Variants in PAPLN observed in about 807,000 individuals in gnomAD.
The protein encoded by PAPLN is papilin.
In PAPLN, 146 loss-of-function variants were observed where a neutral mutation model predicts 159.0. That is an observed-to-expected ratio of 0.92 (90% CI 0.80 to 1.05). The LOEUF is 1.05. Among genes scored for constraint, PAPLN ranks in the 50% least tolerant of loss-of-function variants. The pLI is 0.00. For missense variants in PAPLN, 1,720 were observed against 1,743.9 expected, an observed-to-expected ratio of 0.99 and a Z score of 0.24; for synonymous variants, 734 against 702.9, an observed-to-expected ratio of 1.04 and a Z score of -0.70.
At chr14:73,260,672 A>G (rs924326892) in intron 16 of PAPLN, 37 bp from the exon 17 acceptor site, 20 of 1,411,174 alleles carry the variant, frequency 1.4e-5, no homozygotes, top group South Asian at 1.8e-5. Context: ...GCGTGGGGGC[A>G]GGCTGGGCAG....
In PAPLN at chr14:73,261,323, C is replaced by T. The variant is rs758097704; in HGVS notation, c.2245+29C>T. On this transcript the variant is annotated intron_variant, in intron 18 of 26. Transcript: ENST00000644200. ...AGTGGACACCCCCTCTCCTCCTTCT[C>T]GATGGGTAGACTCTGCTCCCACCAT... 6.2e-5 allele frequency: 99 copies of T among 1,608,102 alleles called. No individual in the cohort carries two copies. In the East Asian group the frequency reaches 1.3e-3, roughly 22 times the overall value.
Position 73,265,364 on chromosome 14 carries a change from T to C in PAPLN, c.3126-6T>C. On this transcript the variant is annotated splice_polypyrimidine_tract_variant and splice_region_variant and intron_variant, in intron 22 of 26. Coordinates refer to ENST00000644200, the MANE Select transcript of PAPLN (RefSeq NM_001365906.3). This position sits in a 1 kb window ranked among gnomAD's most constrained non-coding sequence, Gnocchi z 4.1. ...CCCCTCATGCTGTGGGCTGCTTGTTTGGCAGGCTGCGTTTGGACCAGAACC... is the reference window on the plus strand; with the variant it reads ...CCCCTCATGCTGTGGGCTGCTTGTTCGGCAGGCTGCGTTTGGACCAGAACC... The C allele has an allele frequency of 6.2e-7, 1 of 1,607,988 alleles. No individual in the cohort carries two copies. Among genetic ancestry groups the C allele is most frequent in the Non-Finnish European group, 8.5e-7 (1 of 1,179,630 alleles).
Position 73,262,582 on chromosome 14 carries a change from T to C in PAPLN, c.2478T>C (p.Asp826=). Residue 826 remains aspartate (D), a synonymous_variant, in exon 19 of 27, where the codon GAT becomes GAC. Coordinates refer to ENST00000644200, the MANE Select transcript of PAPLN (RefSeq NM_001365906.3). Reference sequence around the variant, plus strand: ...CTTCTGGAAGGAGCACCCACACGGATGGTGGCGGCAGCAGTCCTGCAGGCG... The same window carrying C: ...CTTCTGGAAGGAGCACCCACACGGACGGTGGCGGCAGCAGTCCTGCAGGCG... ...PGASGRSTHT[D]GGGSSPAGEQ... 6.4e-7 allele frequency: 1 copy of C among 1,563,038 alleles called. No individual in the cohort carries two copies. The highest frequency in any genetic ancestry group is 8.7e-7 in the Non-Finnish European group (1 of 1,152,450).
chr14:73,255,120 G>C, intron 14 of PAPLN, 102 bp downstream of exon 14: 1 of 1,450,838 alleles, frequency 6.9e-7, no homozygotes, highest in East Asian at 2.5e-5. Flanking sequence ...CCTGCACTGT[G>C]TCATCCCTCT....
At chr14:73,259,221 G>A (rs375176111) in intron 15 of PAPLN, 48 bp from the exon 16 acceptor site, 7 of 1,528,120 alleles carry the variant, frequency 4.6e-6, no homozygotes, top group African/African-American at 1.4e-5. Context: ...GGGGTGGAGG[G>A]GAGGAGCCAG....
chr14:73,261,089 G>A, intron 17 of PAPLN, 67 bp from the exon 18 acceptor site: 1 of 1,612,160 alleles, frequency 6.2e-7, no homozygotes, highest in South Asian at 1.1e-5. Context: ...CCTCCCCGTG[G>A]CAGCCCAGAG....
At chr14:73,252,626 G>A (rs2242611) in intron 10 of PAPLN, 23 bp from the exon 11 acceptor site, 393,665 of 1,607,336 alleles carry the variant, frequency 0.24, 49,990 homozygotes, top group African/African-American at 0.36. Flanking sequence ...GCGTCTGCCC[G>A]CCATGGCTGG....
chr14:73,242,017 CTG>C (rs1300031844), intron 2 of PAPLN, among the ~76,000 whole-genome samples: 1 of 152,266 alleles, frequency 6.6e-6, no homozygotes, highest in Non-Finnish European at 1.5e-5. Flanking sequence ...GTGAGGCTGG[CTG>C]TATCAGCTCA....
Position 73,244,753 on chromosome 14 carries a change from C to A in PAPLN, c.164C>A (p.Ser55Tyr). The A allele has an allele frequency of 6.4e-7, 1 of 1,558,420 alleles. No homozygotes were observed. Among genetic ancestry groups the A allele is most frequent in the Non-Finnish European group, 8.7e-7 (1 of 1,150,930 alleles). ...AGCTTCCGGGAGCGCCCCTGCTACTCCCAGAGGTAGGAGAGATGAAAATGG... is the reference window on the plus strand; with the variant it reads ...AGCTTCCGGGAGCGCCCCTGCTACTACCAGAGGTAGGAGAGATGAAAATGG... ...GVSFRERPCYSQRRDGGSSCV... is the reference protein window; with the variant it reads ...GVSFRERPCYYQRRDGGSSCV... Residue 55 changes from serine to tyrosine, a missense_variant, in exon 3 of 27, where the codon TCC becomes TAC. Coordinates refer to ENST00000644200, the MANE Select transcript of PAPLN (RefSeq NM_001365906.3).
chr14:73,261,055 G>A (rs1398693702), intron 17 of PAPLN, 101 bp from the exon 18 acceptor site: 1 of 1,587,774 alleles, frequency 6.3e-7, no homozygotes. Context: ...CTGGGCTGGG[G>A]TTCTGGCCCC....
In PAPLN at chr14:73,251,746, C is replaced by T. The variant is rs1482466391; in HGVS notation, c.753C>T (p.Thr251=). The T allele has an allele frequency of 6.8e-6, 11 of 1,612,924 alleles. No homozygotes were observed. Among genetic ancestry groups the T allele is most frequent in the African/African-American group, 2.7e-5 (2 of 74,916 alleles). ...CCCGGGCCCTGCCAGCAGCCAGCAC[C>T]ATCCTGCATTACGAGCGGGGTGCTG... ...EAARALPAAS[T]ILHYERGAEG... is the part of the protein sequence containing the mutation. The change falls in exon 9 of 27, where the codon ACC becomes ACT. Residue 251 remains threonine, a synonymous_variant. Coordinates refer to ENST00000644200, the MANE Select transcript of PAPLN (RefSeq NM_001365906.3).
Position 73,254,371 on chromosome 14 carries a change from G to A in PAPLN, c.1303-142G>A, listed in dbSNP as rs1029458162. 40 of 1,013,460 alleles carry A rather than the reference G, an allele frequency of 3.9e-5. No homozygotes were observed. In the East Asian group the frequency reaches 8.9e-4, roughly 23 times the overall value. 62.8% of individuals were successfully genotyped at this position (1,013,460 alleles called of 1,614,324 possible). On this transcript the variant is annotated intron_variant, in intron 12 of 26. Transcript: ENST00000644200. ...AGGCTGTGTGACCTCAGGGGAGTGA[G>A]TCAGCCTCTCTGGGCCTGGGAAGGA...
rs373353961 is a variant in PAPLN at position 73,259,359 on chromosome 14, G to C, written c.1799G>C (p.Gly600Ala). 1 of 1,611,944 alleles carries C rather than the reference G, an allele frequency of 6.2e-7. No individual in the cohort carries two copies. The highest frequency in any genetic ancestry group is 1.7e-5 in the Admixed American group (1 of 59,730). ...CGAGGTGACCCCAGGGGCGACCAAG[G>C]CACCCACCTGTCAGCCCTGGGCCCC... The part of the protein sequence containing the change: ...GERGDPRGDQ[G>A]THLSALGPAP... Residue 600 changes from glycine to alanine, a missense_variant, in exon 16 of 27, where the codon GGC becomes GCC. Coordinates refer to ENST00000644200, the MANE Select transcript of PAPLN (RefSeq NM_001365906.3).
Position 73,266,545 on chromosome 14 carries a change from C to A in PAPLN, c.3308C>A (p.Ala1103Asp). 6.2e-7 allele frequency: 1 copy of A among 1,614,168 alleles called. No homozygotes were observed. The highest frequency in any genetic ancestry group is 8.5e-7 in the Non-Finnish European group (1 of 1,180,030). The change falls in exon 24 of 27, where the codon GCT becomes GAT. Residue 1103 changes from alanine (A) to aspartate (D), a missense_variant. Ala to Asp is a moderately radical substitution (Grantham distance 126, BLOSUM62 -2). Transcript: ENST00000644200. ...GGCTCCCTGGTCATTAGCCGAGTGG[C>A]TGTAGAAGATGGCGGCTTCTACACC... The part of the protein sequence containing the change: ...PDGSLVISRV[A>D]VEDGGFYTCV...
chr14:73,258,518 T>C (rs887882903), intron 14 of PAPLN, among the ~76,000 whole-genome samples: 1 of 148,936 alleles, frequency 6.7e-6, no homozygotes, highest in African/African-American at 2.5e-5. Context: ...GTGCAGTGGC[T>C]CACACCCATA....
rs771073846 is a variant in PAPLN at position 73,244,696 on chromosome 14, G to T, written c.107G>T (p.Ser36Ile). The T allele has an allele frequency of 2.5e-6, 4 of 1,599,014 alleles. No homozygotes were observed. The South Asian group carries it at 4.5e-5, about 18-fold the overall frequency. Residue 36 changes from serine (S) to isoleucine (I), a missense_variant, in exon 3 of 27, where the codon AGC becomes ATC. Ser to Ile is a moderately radical substitution (Grantham distance 142, BLOSUM62 -2). Transcript: ENST00000644200. Reference sequence around the variant, plus strand: ...ACCTGGGGACCCTGGAGCCAGTGGAGCCCCTGCAGCCGGACCTGTGGAGGG... The same window carrying T: ...ACCTGGGGACCCTGGAGCCAGTGGATCCCCTGCAGCCGGACCTGTGGAGGG... ...SDTWGPWSQW[S>I]PCSRTCGGGV...
At position 73,264,595 on chromosome 14, in the gene PAPLN, C is replaced by T; in HGVS notation, c.2994C>T (p.Asp998=). The T allele has an allele frequency of 1.3e-6, 2 of 1,597,936 alleles. No homozygotes were observed. Among genetic ancestry groups the T allele is most frequent in the Non-Finnish European group, 1.7e-6 (2 of 1,175,518 alleles). Residue 998 remains aspartate (D), a synonymous_variant, in exon 22 of 27, where the codon GAC becomes GAT. Transcript: ENST00000644200. ...QKIQLRIIGG[D]MAVLSEAELS... is the part of the protein sequence containing the mutation. The stretch of plus-strand genomic sequence containing the variant: ...CTCCTGGCCTCATGACAGGGGGTGA[C>T]ATGGCCGTGCTGTCTGAGGCTGAGC...
At chr14:73,259,583 A>C in intron 16 of PAPLN, 38 bp downstream of exon 16, 1 of 1,466,344 alleles carries the variant, frequency 6.8e-7, no homozygotes, top group East Asian at 2.5e-5. Context: ...TCCCCCGTCA[A>C]AGAGGGAAGG....
chr14:73,239,850 C>A lies in PAPLN; in HGVS notation c.54+18C>A. ...GGTCCTCGGTGAGTGCGGTCCTGCC[C>A]CGGCCCCCGGAGGAACCTGCAGGGG... is the stretch of plus-strand genomic sequence containing the variant. On this transcript the variant is annotated intron_variant, in intron 2 of 26. Transcript: ENST00000644200. 3 of 1,570,696 alleles carry A rather than the reference C, an allele frequency of 1.9e-6. No homozygotes were observed. Among genetic ancestry groups the A allele is most frequent in the East Asian group, 4.6e-5 (2 of 43,120 alleles).
Sources: gnomAD v4.1 joint callset for allele counts (sites outside exome capture counted in the v4.1 genomes callset) on GRCh38, gnomAD v4.1.1 for gene constraint, Gnocchi (gnomAD v3.1) non-coding constraint, MANE v1.5 for transcripts, NCBI Gene and HGNC (gene_info 2026-07-23, HGNC 2026-07-21) for gene names.